Variants in CAMTA1 observed in about 807,000 individuals in gnomAD.
The protein encoded by CAMTA1 is calmodulin-binding transcription activator 1.
A neutral mutation model predicts 170.9 loss-of-function variants in CAMTA1; 27 were observed. That is an observed-to-expected ratio of 0.16 (90% confidence interval 0.12 to 0.22). The LOEUF (loss-of-function observed/expected upper bound fraction) is 0.22, where lower values mean the gene tolerates loss of function less well. Among genes scored for constraint, CAMTA1 ranks in the 10% least tolerant of loss-of-function variants. CAMTA1 has a pLI of 1.00. For synonymous variants in CAMTA1, 833 were observed against 891.5 expected, an observed-to-expected ratio of 0.93 and a Z score of 1.17; for missense variants, 1,619 against 2,217.2, an observed-to-expected ratio of 0.73 and a Z score of 5.42.
intron 3 of CAMTA1, among the ~76,000 whole-genome samples, chr1:6,876,066 G>A (rs1669734225): frequency 6.6e-6 from 1 of 152,204 alleles, no homozygotes; most frequent in Non-Finnish European, 1.5e-5. Flanking sequence ...TCTTCCATGA[G>A]TGAGCACTTG....
At chr1:7,260,660 C>T (rs1668030776) in intron 5 of CAMTA1, among the ~76,000 whole-genome samples, 1 of 152,222 alleles carries the variant, frequency 6.6e-6, no homozygotes, top group Admixed American at 6.5e-5. Context: ...TAGGCTGAAA[C>T]TGCCTGCATC....
At position 6,956,333 on chromosome 1, in the gene CAMTA1, T is replaced by C. The variant is rs141833840; in HGVS notation, c.234+131123T>C. ...GAAGCTCATGGCCAACCTCAGAGGC[T>C]GATGGGGCCTTGTGGGCTTTCTGGA... On this transcript the variant is annotated intron_variant, in intron 3 of 22. Transcript: ENST00000303635. 2.6e-3 allele frequency among the ~76,000 whole-genome samples: 399 copies of C among 152,300 alleles called. 2 individuals carry two copies. The highest frequency in any genetic ancestry group is 8.1e-3 in the African/African-American group (337 of 41,574).
At chr1:7,721,856 C>T (rs963976148) in intron 11 of CAMTA1, among the ~76,000 whole-genome samples, 3 of 152,088 alleles carry the variant, frequency 2.0e-5, no homozygotes, top group African/African-American at 7.2e-5. Flanking sequence ...TCAGGTGATC[C>T]GCCCACCTCA....
chr1:6,855,134 T>C (rs370615220), intron 3 of CAMTA1, among the ~76,000 whole-genome samples: 50 of 152,236 alleles, frequency 3.3e-4, no homozygotes, highest in African/African-American at 1.2e-3. Flanking sequence ...TTATAAATAA[T>C]AAGCTAGGTT....
At chr1:7,652,394 C>T (rs569446734) in intron 7 of CAMTA1, among the ~76,000 whole-genome samples, 2 of 152,252 alleles carry the variant, frequency 1.3e-5, no homozygotes, top group South Asian at 2.1e-4. Context: ...GGCTCAAGGA[C>T]GAGTTTCTTC....
chr1:6,962,516 T>A (rs1366564406), intron 3 of CAMTA1, among the ~76,000 whole-genome samples: 4 of 151,096 alleles, frequency 2.6e-5, no homozygotes, highest in Non-Finnish European at 5.9e-5. Flanking sequence ...GTTTCCTTTA[T>A]GGACCTGCCC....
At chr1:7,161,430 C>G (rs1338232847) in intron 4 of CAMTA1, among the ~76,000 whole-genome samples, 1 of 152,180 alleles carries the variant, frequency 6.6e-6, no homozygotes, top group Non-Finnish European at 1.5e-5. Flanking sequence ...GTGTCCCCAC[C>G]CAAATCTCAT....
intron 5 of CAMTA1, among the ~76,000 whole-genome samples, chr1:7,436,321 GGGATTGTTCA>G (rs1557709735): frequency 6.6e-6 from 1 of 152,202 alleles, no homozygotes; most frequent in Admixed American, 6.5e-5. Flanking sequence ...GTTCCAGCAT[GGGATTGTTCA>G]GGATTGTTCA....
Position 7,213,968 on chromosome 1 carries a change from A to T in CAMTA1, c.303-35523A>T, listed in dbSNP as rs570752521. ...ATTTTTTATGGCTGCATAGTATTCCATGGTGTATATGTGCCACATTTTCTT... is the reference window on the plus strand; with the variant it reads ...ATTTTTTATGGCTGCATAGTATTCCTTGGTGTATATGTGCCACATTTTCTT... On this transcript the variant is annotated intron_variant, in intron 4 of 22. Transcript: ENST00000303635. Among the ~76,000 whole-genome samples, 27 of 152,252 alleles carry T rather than the reference A, an allele frequency of 1.8e-4. No homozygotes were observed. The South Asian group carries it at 5.4e-3, about 30-fold the overall frequency.
intron 3 of CAMTA1, among the ~76,000 whole-genome samples, chr1:7,045,427 C>T (rs193279354): frequency 5.3e-5 from 8 of 152,324 alleles, no homozygotes; most frequent in East Asian, 1.9e-4. Flanking sequence ...GGTCACCATC[C>T]GGCACCAAAT....
intron 6 of CAMTA1, among the ~76,000 whole-genome samples, chr1:7,546,197 C>T (rs1306477356): frequency 6.6e-6 from 1 of 152,158 alleles, no homozygotes; most frequent in East Asian, 1.9e-4. Context: ...ACCTCGTGAT[C>T]CACCCACCTC....
chr1:7,555,905 C>T (rs930026164), intron 6 of CAMTA1, among the ~76,000 whole-genome samples: 12 of 152,104 alleles, frequency 7.9e-5, no homozygotes, highest in East Asian at 3.9e-4. Context: ...TTTCCAAATG[C>T]GGGTTGTATT....
At chr1:7,446,496 C>A (rs1049303947) in intron 5 of CAMTA1, among the ~76,000 whole-genome samples, 1 of 152,110 alleles carries the variant, frequency 6.6e-6, no homozygotes, top group South Asian at 2.1e-4. Context: ...GGCTGAGAGA[C>A]CGGGAGGGGA....
chr1:7,363,735 G>A (rs2085747048), intron 5 of CAMTA1, among the ~76,000 whole-genome samples: 1 of 152,158 alleles, frequency 6.6e-6, no homozygotes, highest in Admixed American at 6.5e-5. Flanking sequence ...GATGAGGCTT[G>A]GCTGACCCCA....
rs1557965697 is a variant in CAMTA1 at position 7,010,128 on chromosome 1, C to T, written c.235-81176C>T. Among the ~76,000 whole-genome samples the T allele has an allele frequency of 1.3e-5, 2 of 152,314 alleles. No homozygotes were observed. Among genetic ancestry groups the T allele is most frequent in the East Asian group, 3.9e-4 (2 of 5,182 alleles). The stretch of plus-strand genomic sequence containing the variant: ...TTGGATTTGTCCCCAGGACAGACGT[C>T]CTTGGGTCTTACCAGGAACCATGGC... On this transcript the variant is annotated intron_variant, in intron 3 of 22. Coordinates refer to ENST00000303635, the MANE Select transcript of CAMTA1 (RefSeq NM_015215.4). This position sits in a 1 kb window ranked among gnomAD's most constrained non-coding sequence, Gnocchi z 4.4.
rs1212032455 is a variant in CAMTA1 at position 7,673,095 on chromosome 1, C to G, written c.2779+2058C>G. On this transcript the variant is annotated intron_variant, in intron 10 of 22. Transcript: ENST00000303635. This position sits in a 1 kb window ranked among gnomAD's most constrained non-coding sequence, Gnocchi z 4.6. ...CCCATCATCTGCTGCCAGAATGCGA[C>G]TTGCCTGGCCTATAAATAGATGCCA... is the stretch of plus-strand genomic sequence containing the variant. Among the ~76,000 whole-genome samples the G allele has an allele frequency of 6.6e-6, 1 of 152,194 alleles. No individual in the cohort carries two copies. Among genetic ancestry groups the G allele is most frequent in the African/African-American group, 2.4e-5 (1 of 41,452 alleles).
chr1:7,252,436 C>T (rs1379053497), intron 5 of CAMTA1, among the ~76,000 whole-genome samples: 4 of 152,212 alleles, frequency 2.6e-5, no homozygotes, highest in Non-Finnish European at 5.9e-5. Context: ...CAAGATCAAC[C>T]CCCACATCTC....
chr1:7,033,680 G>T (rs1199748031), intron 3 of CAMTA1, among the ~76,000 whole-genome samples: 1 of 133,388 alleles, frequency 7.5e-6, no homozygotes, highest in Non-Finnish European at 1.5e-5. Context: ...TGCAACCTCC[G>T]CCTCCCGGGT....
chr1:7,278,513 C>G (rs1389422514), intron 5 of CAMTA1, among the ~76,000 whole-genome samples: 1 of 152,212 alleles, frequency 6.6e-6, no homozygotes, highest in Non-Finnish European at 1.5e-5. Flanking sequence ...CTGAATTTTA[C>G]AACAACTCTG....
Sources: allele counts gnomAD v4.1 joint callset (sites outside exome capture counted in the v4.1 genomes callset), GRCh38; gene constraint gnomAD v4.1.1; non-coding constraint Gnocchi (gnomAD v3.1); transcripts MANE v1.5; gene names NCBI Gene and HGNC (gene_info 2026-07-23, HGNC 2026-07-21).